ZC3HAV1: variants seen among roughly 807,000 people sequenced by gnomAD.
ZC3HAV1 encodes zinc finger CCCH-type containing, antiviral 1, also known as zinc finger CCCH-type antiviral protein 1.
A neutral mutation model predicts 86.6 loss-of-function variants in ZC3HAV1; 41 were observed. The ratio of observed to expected loss-of-function variants is 0.47; its 90% confidence interval spans 0.37 to 0.61. The LOEUF is 0.61. Ranked by LOEUF, ZC3HAV1 falls within the 20% of genes least tolerant of loss-of-function variation. The pLI, the probability that ZC3HAV1 is intolerant of heterozygous loss-of-function variation, is 0.00. For missense variants in ZC3HAV1, 964 were observed against 1,141.1 expected (o/e 0.84, Z 2.24); for synonymous variants, 421 against 432.1 (o/e 0.97, Z 0.32).
chr7:139,088,959 G>A (rs1247248949), intron 2 of ZC3HAV1, among the ~76,000 whole-genome samples: 14 of 151,930 alleles, frequency 9.2e-5, no homozygotes, highest in African/African-American at 2.7e-4. Flanking sequence ...AAAATTAGCC[G>A]GGCATGGTGG....
chr7:139,056,324 A>G (rs903673601), intron 9 of ZC3HAV1, among the ~76,000 whole-genome samples: 1 of 150,948 alleles, frequency 6.6e-6, no homozygotes, highest in Non-Finnish European at 1.5e-5. Flanking sequence ...TTAATTTTCT[A>G]CATTTTGAAT....
rs199972267 is a variant in ZC3HAV1 at position 139,076,280 on chromosome 7, A to G, written c.1697+6T>C. 8.1e-5 allele frequency: 130 copies of G among 1,614,084 alleles called. No individual in the cohort carries two copies. In the African/African-American group the frequency reaches 1.5e-3, roughly 19 times the overall value. Reference sequence around the variant, plus strand: ...CTTGAAAGCCAGAGTACAGCCACCAACTTACAGGTGGATTCCGGGGTTACA... The same window carrying G: ...CTTGAAAGCCAGAGTACAGCCACCAGCTTACAGGTGGATTCCGGGGTTACA... On this transcript the variant is annotated splice_donor_region_variant and intron_variant, in intron 6 of 12. Transcript: ENST00000242351.
chr7:139,079,632 T>C lies in ZC3HAV1; in HGVS notation c.1309A>G (p.Thr437Ala). 1 of 1,614,164 alleles carries C rather than the reference T, an allele frequency of 6.2e-7. No homozygotes were observed. The highest frequency in any genetic ancestry group is 8.5e-7 in the Non-Finnish European group (1 of 1,180,026). The change falls in exon 4 of 13, where the codon ACA (threonine) becomes GCA (alanine). Residue 437 changes from threonine to alanine, a missense_variant. Physicochemically the swap from Thr to Ala is moderately conservative, Grantham distance 58. Coordinates refer to ENST00000242351, the MANE Select transcript of ZC3HAV1 (RefSeq NM_020119.4). ...AAGGATCTGGTAGAAGTTATATCTG[T>C]GGCCACTCCATCAGCATTATTATTA... is the stretch of plus-strand genomic sequence containing the variant. ...LFNNNADGVA[T>A]DITSTRSLNY...
chr7:139,068,487 C>T (rs1419160641), intron 7 of ZC3HAV1, among the ~76,000 whole-genome samples: 1 of 152,216 alleles, frequency 6.6e-6, no homozygotes, highest in African/African-American at 2.4e-5. Flanking sequence ...GCCAGAGTGG[C>T]ATATTTTTAA....
intron 12 of ZC3HAV1, among the ~76,000 whole-genome samples, chr7:139,050,861 A>C (rs1016687767): frequency 3.9e-5 from 6 of 152,310 alleles, no homozygotes; most frequent in Non-Finnish European, 8.8e-5. Flanking sequence ...AAATCTCATC[A>C]ATAAATTCAT....
chr7:139,100,185 A>T (rs1817708921), intron 1 of ZC3HAV1, among the ~76,000 whole-genome samples: 1 of 152,124 alleles, frequency 6.6e-6, no homozygotes, highest in African/African-American at 2.4e-5. Flanking sequence ...AACTTAAAAA[A>T]ATGAGTAATA....
At chr7:139,103,725 T>C (rs1817844694) in intron 1 of ZC3HAV1, among the ~76,000 whole-genome samples, 1 of 152,184 alleles carries the variant, frequency 6.6e-6, no homozygotes, top group Admixed American at 6.5e-5. Flanking sequence ...CCTGGAAATA[T>C]ACTATATATC....
chr7:139,052,472 G>C (rs1031931054), intron 12 of ZC3HAV1, among the ~76,000 whole-genome samples: 3 of 151,156 alleles, frequency 2.0e-5, no homozygotes, highest in African/African-American at 7.3e-5. Context: ...GGGCGTGGTG[G>C]CACATGCCTG....
At chr7:139,079,367 C>T (rs1269253470) in intron 4 of ZC3HAV1, 103 bp downstream of exon 4, 2 of 1,599,930 alleles carry the variant, frequency 1.3e-6, no homozygotes, top group East Asian at 2.2e-5. Flanking sequence ...ACCAGTGGCA[C>T]CAGTTTTTTC....
chr7:139,093,427 C>T (rs977200408), intron 1 of ZC3HAV1, among the ~76,000 whole-genome samples: 1 of 152,162 alleles, frequency 6.6e-6, no homozygotes, highest in African/African-American at 2.4e-5. Flanking sequence ...AGTGTCAGGC[C>T]TCTGAGCCCA....
chr7:139,107,531 G>T (rs1345344758), intron 1 of ZC3HAV1, among the ~76,000 whole-genome samples: 7 of 152,170 alleles, frequency 4.6e-5, no homozygotes, highest in Admixed American at 4.6e-4. Flanking sequence ...GGTCGGACTT[G>T]GTGGCTTATG....
intron 11 of ZC3HAV1, among the ~76,000 whole-genome samples, 176 bp from the exon 12 acceptor site, chr7:139,053,757 A>G (rs1663620092): frequency 2.0e-5 from 3 of 152,242 alleles, no homozygotes; most frequent in African/African-American, 7.2e-5. Context: ...AACTTTTAAA[A>G]GATAGACACA....
At chr7:139,051,059 CTTTTTTTCTTTTTTCT>C (rs1816107088) in intron 12 of ZC3HAV1, among the ~76,000 whole-genome samples, 2 of 151,650 alleles carry the variant, frequency 1.3e-5, no homozygotes, top group African/African-American at 4.8e-5. Flanking sequence ...GGACCTGTTC[CTTTTTTTCTTTTTTCT>C]TTTTTTTTTT....
chr7:139,063,771 A>C (rs184387870), intron 8 of ZC3HAV1, among the ~76,000 whole-genome samples: 3 of 151,980 alleles, frequency 2.0e-5, no homozygotes, highest in East Asian at 1.9e-4. Context: ...TCATTTAACA[A>C]CACCAAATTT....
rs1331305820 is a variant in ZC3HAV1, at chr7:139,080,233, TGAA to T, written c.705_707del (p.Ser236del). On this transcript the variant is annotated inframe_deletion, in exon 4 of 13. Transcript: ENST00000242351. Reference sequence around the variant, plus strand: ...CCCTATATGCCATGTTTCTACGATGTGAAGAAGGAGCTAAGGGGAAAAAAAGCC... The same window carrying T: ...CCCTATATGCCATGTTTCTACGATGTGAAGGAGCTAAGGGGAAAAAAAGCC... 5.6e-6 allele frequency: 9 copies of T among 1,613,940 alleles called. No individual in the cohort carries two copies. Among genetic ancestry groups the T allele is most frequent in the Non-Finnish European group, 5.9e-6 (7 of 1,180,042 alleles).
In ZC3HAV1 at chr7:139,109,606, G is replaced by A; in HGVS notation, c.-275C>T. The stretch of plus-strand genomic sequence containing the variant: ...GGGTGGAAAGAAAGAGAACGCGCGG[G>A]CAAATCTGCTGGTGACCGCCTGGGG... On this transcript the variant is annotated 5_prime_UTR_variant, in exon 1 of 13. Coordinates refer to ENST00000242351, the MANE Select transcript of ZC3HAV1 (RefSeq NM_020119.4). 1 of 390,002 alleles carries A rather than the reference G, an allele frequency of 2.6e-6. No individual in the cohort carries two copies. The highest frequency in any genetic ancestry group is 4.6e-6 in the Non-Finnish European group (1 of 217,844). 24.2% of individuals were successfully genotyped at this position (390,002 alleles called of 1,614,324 possible). A position where few individuals can be genotyped will look rare whatever the true frequency, so the allele number is the denominator to read the frequency against.
chr7:139,080,475 G>A (rs1394521568), intron 3 of ZC3HAV1, among the ~76,000 whole-genome samples: 3 of 152,074 alleles, frequency 2.0e-5, no homozygotes, highest in African/African-American at 7.2e-5. Flanking sequence ...TGTTGCCCAG[G>A]CTGGAATGCA....
At chr7:139,079,329 C>G in intron 4 of ZC3HAV1, 141 bp downstream of exon 4, 3 of 1,553,810 alleles carry the variant, frequency 1.9e-6, no homozygotes, top group Non-Finnish European at 2.6e-6. Context: ...ATATCTTTTT[C>G]TGCCTTGACT....
intron 1 of ZC3HAV1, among the ~76,000 whole-genome samples, chr7:139,101,440 C>A (rs1329184476): frequency 1.7e-5 from 2 of 118,460 alleles, no homozygotes; most frequent in Admixed American, 9.5e-5. Context: ...ATGCGGGGAG[C>A]GCCTCTGCCC....
Sources: allele counts gnomAD v4.1 joint callset (sites outside exome capture counted in the v4.1 genomes callset), GRCh38; gene constraint gnomAD v4.1.1; transcripts MANE v1.5; gene names NCBI Gene and HGNC (gene_info 2026-07-23, HGNC 2026-07-21).